PTPRD: variants seen among roughly 807,000 people sequenced by gnomAD.
PTPRD encodes the protein receptor-type tyrosine-protein phosphatase delta.
A neutral mutation model predicts 214.5 loss-of-function variants in PTPRD; 34 were observed. The ratio of observed to expected loss-of-function variants is 0.16; its 90% CI spans 0.12 to 0.21. The LOEUF (loss-of-function observed/expected upper bound fraction) is 0.21. PTPRD is among the 10% of genes least tolerant of loss of function. The pLI is 1.00. For missense variants in PTPRD, 2,545 were observed against 2,398.7 expected, an observed-to-expected ratio of 1.06 and a Z score of -1.27; for synonymous variants, 1,128 against 845.7, an observed-to-expected ratio of 1.33 and a Z score of -5.79.
intron 7 of PTPRD, among the ~76,000 whole-genome samples, chr9:9,672,036 G>C (rs888361362): frequency 6.6e-6 from 1 of 152,166 alleles, no homozygotes; most frequent in Non-Finnish European, 1.5e-5. Context: ...TTGAGAGAAT[G>C]AGGCAACCTT....
intron 7 of PTPRD, among the ~76,000 whole-genome samples, chr9:9,578,022 G>A (rs2089514939): frequency 7.8e-6 from 1 of 128,432 alleles, no homozygotes. Context: ...CTCCAGCCTT[G>A]GTGACAGAGT....
At chr9:9,605,894 A>G (rs1266976860) in intron 7 of PTPRD, among the ~76,000 whole-genome samples, 1 of 152,068 alleles carries the variant, frequency 6.6e-6, no homozygotes, top group East Asian at 1.9e-4. Context: ...TTTATGTTAT[A>G]AGTAAAGGCC....
At chr9:8,666,952 A>C (rs2097182325) in intron 12 of PTPRD, among the ~76,000 whole-genome samples, 1 of 152,352 alleles carries the variant, frequency 6.6e-6, no homozygotes, top group Non-Finnish European at 1.5e-5. Flanking sequence ...ACAAGACACA[A>C]GCATTGTGGC....
chr9:9,692,043 G>C (rs1564573496), intron 7 of PTPRD, among the ~76,000 whole-genome samples: 1 of 152,044 alleles, frequency 6.6e-6, no homozygotes, highest in African/African-American at 2.4e-5. Context: ...CAAGTGAGTA[G>C]TTTGGAAATA....
At chr9:9,455,681 T>A (rs2092889930) in intron 8 of PTPRD, among the ~76,000 whole-genome samples, 1 of 151,640 alleles carries the variant, frequency 6.6e-6, no homozygotes, top group South Asian at 2.1e-4. Context: ...GCAAAGAAAA[T>A]AATCCTGGAG....
chr9:9,364,106 G>A (rs556942161), intron 9 of PTPRD, among the ~76,000 whole-genome samples: 64 of 151,412 alleles, frequency 4.2e-4, no homozygotes, highest in Middle Eastern at 6.8e-3. Context: ...TTCAGATCAA[G>A]GCCTATTGCC....
chr9:10,387,289 T>C (rs989761387), intron 2 of PTPRD, among the ~76,000 whole-genome samples: 18 of 152,030 alleles, frequency 1.2e-4, no homozygotes, highest in African/African-American at 3.9e-4. Flanking sequence ...CCTGTGTCTT[T>C]TCAGTGACAT....
chr9:9,843,463 C>T (rs542606242), intron 5 of PTPRD, among the ~76,000 whole-genome samples: 1 of 151,624 alleles, frequency 6.6e-6, no homozygotes, highest in African/African-American at 2.4e-5. Context: ...ATACTCTAAA[C>T]CTTAGTTTAC....
intron 39 of PTPRD, among the ~76,000 whole-genome samples, chr9:8,366,489 A>T (rs140270190): frequency 3.3e-4 from 50 of 152,308 alleles, no homozygotes; most frequent in African/African-American, 1.1e-3. Context: ...GACAAAAACA[A>T]AAAATGAAAA....
chr9:8,881,030 G>A (rs1471009463), intron 11 of PTPRD, among the ~76,000 whole-genome samples: 1 of 152,168 alleles, frequency 6.6e-6, no homozygotes, highest in African/African-American at 2.4e-5. Context: ...GCCTCCCAAA[G>A]TGCTAGAATT....
chr9:9,971,655 T>G (rs1700952141), intron 4 of PTPRD, among the ~76,000 whole-genome samples: 1 of 152,176 alleles, frequency 6.6e-6, no homozygotes, highest in South Asian at 2.1e-4. Flanking sequence ...TTCAGCATGC[T>G]TTGACAAGGA....
chr9:10,476,441 G>T (rs1434734536), intron 2 of PTPRD, among the ~76,000 whole-genome samples: 1 of 152,038 alleles, frequency 6.6e-6, no homozygotes, highest in Non-Finnish European at 1.5e-5. Context: ...GGACATGAAG[G>T]ACCTCTTCAA....
intron 11 of PTPRD, among the ~76,000 whole-genome samples, chr9:8,984,203 G>A (rs916740149): frequency 6.6e-6 from 1 of 151,962 alleles, no homozygotes; most frequent in Non-Finnish European, 1.5e-5. Flanking sequence ...ATTAAATACA[G>A]TTTTTATTAA....
At chr9:8,622,324 T>G (rs1265516101) in intron 14 of PTPRD, among the ~76,000 whole-genome samples, 1 of 151,996 alleles carries the variant, frequency 6.6e-6, no homozygotes, top group East Asian at 1.9e-4. Context: ...AAAGGTGAGC[T>G]TAATTCTTCT....
intron 11 of PTPRD, among the ~76,000 whole-genome samples, chr9:9,002,534 G>A (rs564478143): frequency 6.6e-6 from 1 of 152,052 alleles, no homozygotes; most frequent in South Asian, 2.1e-4. Context: ...TATAATGGTA[G>A]AGAATTTATA....
chr9:9,155,306 C>T (rs921197419), intron 10 of PTPRD, among the ~76,000 whole-genome samples: 2 of 151,934 alleles, frequency 1.3e-5, no homozygotes. Flanking sequence ...AATTGGATCT[C>T]AATATTATGA....
At chr9:8,896,720 T>C (rs1369143662) in intron 11 of PTPRD, among the ~76,000 whole-genome samples, 1 of 152,196 alleles carries the variant, frequency 6.6e-6, no homozygotes, top group Non-Finnish European at 1.5e-5. Context: ...TGCATATACG[T>C]AACTCCCAGA....
chr9:10,545,425 C>G (rs576381152), intron 2 of PTPRD, among the ~76,000 whole-genome samples: 2 of 152,178 alleles, frequency 1.3e-5, no homozygotes, highest in Admixed American at 1.3e-4. Context: ...TTACACTATA[C>G]ACACAGGCCT....
At chr9:9,650,207 G>A (rs1365313551) in intron 7 of PTPRD, among the ~76,000 whole-genome samples, 1 of 152,132 alleles carries the variant, frequency 6.6e-6, no homozygotes, top group Non-Finnish European at 1.5e-5. Context: ...CATGTAAGAT[G>A]TGCCTTGCTT....
Sources: allele counts gnomAD v4.1 joint callset (sites outside exome capture counted in the v4.1 genomes callset), GRCh38; gene constraint gnomAD v4.1.1; transcripts MANE v1.5; gene names NCBI Gene and HGNC (gene_info 2026-07-23, HGNC 2026-07-21).